CNTNAP2: variants seen among roughly 807,000 people sequenced by gnomAD.
The protein encoded by CNTNAP2 is contactin associated protein 2.
In CNTNAP2, 98 loss-of-function variants were observed where a neutral mutation model predicts 155.2. The observed-to-expected ratio is 0.63, with a 90% CI of 0.54 to 0.75. The LOEUF (loss-of-function observed/expected upper bound fraction) is 0.75, where lower values mean the gene tolerates loss of function less well. Among genes scored for constraint, CNTNAP2 ranks in the 30% least tolerant of loss-of-function variants. The probability of loss-of-function intolerance (pLI) is 0.00; values close to 1 mark genes in which losing one functional copy is unlikely to be tolerated. For synonymous variants in CNTNAP2, 651 were observed against 631.2 expected (o/e 1.03, Z -0.47); for missense variants, 1,727 against 1,688.1 (o/e 1.02, Z -0.40).
intron 1 of CNTNAP2, among the ~76,000 whole-genome samples, chr7:146,301,951 G>GT (rs1800618926): frequency 6.6e-6 from 1 of 152,086 alleles, no homozygotes; most frequent in Non-Finnish European, 1.5e-5. Context: ...AAAATTTCCT[G>GT]TTCAAGCTAC....
chr7:147,753,308 G>A (rs117139180), intron 13 of CNTNAP2, among the ~76,000 whole-genome samples: 1,673 of 152,234 alleles, frequency 0.011, 96 homozygotes, highest in Admixed American at 0.087. Flanking sequence ...TATGCACAGC[G>A]CCTAATTCCC....
intron 18 of CNTNAP2, among the ~76,000 whole-genome samples, chr7:148,192,540 A>C (rs1795216102): frequency 6.6e-6 from 1 of 151,926 alleles, no homozygotes; most frequent in South Asian, 2.1e-4. Context: ...CAAAAAAAAA[A>C]ACAAAAAACA....
chr7:147,483,293 G>GTATGAT (rs1277690979), intron 10 of CNTNAP2, among the ~76,000 whole-genome samples: 2 of 152,090 alleles, frequency 1.3e-5, no homozygotes, highest in East Asian at 3.9e-4. Flanking sequence ...CTGTGCATAG[G>GTATGAT]TTATATGCAA....
At chr7:147,322,802 G>C (rs1795377587) in intron 9 of CNTNAP2, among the ~76,000 whole-genome samples, 1 of 141,302 alleles carries the variant, frequency 7.1e-6, no homozygotes, top group African/African-American at 2.8e-5. Context: ...GATTAGTCTT[G>C]GGAGGGTGTA....
chr7:146,611,357 C>T (rs762523911), intron 1 of CNTNAP2, among the ~76,000 whole-genome samples: 17 of 152,136 alleles, frequency 1.1e-4, no homozygotes, highest in Non-Finnish European at 2.4e-4. Flanking sequence ...TCCCAAAGTG[C>T]TGGGATTATA....
At chr7:146,338,225 C>T (rs980014349) in intron 1 of CNTNAP2, among the ~76,000 whole-genome samples, 3 of 151,998 alleles carry the variant, frequency 2.0e-5, no homozygotes, top group African/African-American at 7.3e-5. Context: ...GCATTGCACA[C>T]GTATTACTCT....
intron 13 of CNTNAP2, among the ~76,000 whole-genome samples, chr7:147,854,618 A>G (rs902832043): frequency 1.3e-5 from 2 of 152,232 alleles, no homozygotes; most frequent in Non-Finnish European, 2.9e-5. Flanking sequence ...CTAGCCCTGC[A>G]TCATCCAGCA....
chr7:147,319,212 A>G (rs1795296857), intron 9 of CNTNAP2, among the ~76,000 whole-genome samples: 1 of 152,226 alleles, frequency 6.6e-6, no homozygotes, highest in Non-Finnish European at 1.5e-5. Context: ...ATATTGCATC[A>G]ATAATTTCAG....
At chr7:147,203,568 C>T (rs564043263) in intron 8 of CNTNAP2, among the ~76,000 whole-genome samples, 13 of 152,188 alleles carry the variant, frequency 8.5e-5, no homozygotes, top group African/African-American at 2.9e-4. Flanking sequence ...TGACAGAAAC[C>T]ATGAGAATAG....
intron 3 of CNTNAP2, among the ~76,000 whole-genome samples, chr7:146,902,261 A>C (rs1369234722): frequency 6.6e-6 from 1 of 151,900 alleles, no homozygotes; most frequent in Non-Finnish European, 1.5e-5. Context: ...GGCTTTCATC[A>C]TATGCTCTCC....
chr7:147,962,493 G>C (rs140057168), intron 14 of CNTNAP2, among the ~76,000 whole-genome samples: 1 of 152,256 alleles, frequency 6.6e-6, no homozygotes, highest in East Asian at 1.9e-4. Flanking sequence ...GCCCAAAGCA[G>C]AATTAGCCTT....
intron 3 of CNTNAP2, among the ~76,000 whole-genome samples, chr7:147,038,612 T>C (rs919158570): frequency 6.6e-6 from 1 of 152,182 alleles, no homozygotes. Flanking sequence ...TTTGTTTGTT[T>C]TCTTTTCACT....
chr7:146,319,807 T>C (rs1482801794), intron 1 of CNTNAP2, among the ~76,000 whole-genome samples: 1 of 152,184 alleles, frequency 6.6e-6, no homozygotes, highest in Non-Finnish European at 1.5e-5. Flanking sequence ...GTGTCTGGGC[T>C]GTGTCTGCAT....
chr7:148,363,330 A>G (rs1356987188), intron 21 of CNTNAP2, among the ~76,000 whole-genome samples: 3 of 152,238 alleles, frequency 2.0e-5, no homozygotes, highest in Non-Finnish European at 2.9e-5. Context: ...ATTTTGCCCA[A>G]TTGTAGGCTA....
At chr7:148,413,423 T>A (rs1422894777) in intron 23 of CNTNAP2, among the ~76,000 whole-genome samples, 3,842 of 79,988 alleles carry the variant, frequency 0.048, 653 homozygotes, top group African/African-American at 0.08. Flanking sequence ...TATATATATA[T>A]ATATATATAT....
intron 21 of CNTNAP2, 32 bp from the exon 22 acceptor site, chr7:148,383,617 A>C: frequency 6.2e-7 from 1 of 1,614,212 alleles, no homozygotes; most frequent in South Asian, 1.1e-5. Flanking sequence ...ATGGTGAGTC[A>C]AGTAACATTT....
At chr7:146,339,667 T>C (rs981028158) in intron 1 of CNTNAP2, among the ~76,000 whole-genome samples, 2 of 152,120 alleles carry the variant, frequency 1.3e-5, no homozygotes, top group African/African-American at 2.4e-5. Context: ...GCAGATAACT[T>C]AGGTCTATAT....
chr7:147,226,876 T>G (rs1007426244), intron 8 of CNTNAP2, among the ~76,000 whole-genome samples: 31 of 152,354 alleles, frequency 2.0e-4, no homozygotes, highest in African/African-American at 7.2e-4. Context: ...ATTTAGTGAC[T>G]ACCTTTATTG....
At chr7:146,222,598 A>G (rs1799224880) in intron 1 of CNTNAP2, among the ~76,000 whole-genome samples, 1 of 150,196 alleles carries the variant, frequency 6.7e-6, no homozygotes, top group African/African-American at 2.5e-5. Context: ...ATGTAGGTAT[A>G]TGTGCATGTG....
Sources: allele counts gnomAD v4.1 joint callset (sites outside exome capture counted in the v4.1 genomes callset), GRCh38; gene constraint gnomAD v4.1.1; transcripts MANE v1.5; gene names NCBI Gene and HGNC (gene_info 2026-07-23, HGNC 2026-07-21).